RCSD1: variants seen among roughly 807,000 people sequenced by gnomAD.
RCSD1 encodes capZ-interacting protein.
Under a neutral mutation model 42.5 loss-of-function variants are expected in RCSD1, and 26 were observed. The ratio of observed to expected loss-of-function variants is 0.61; its 90% CI spans 0.45 to 0.85. The LOEUF is 0.85. RCSD1 is among the 40% of genes least tolerant of loss of function. The probability of loss-of-function intolerance (pLI) is 0.00; values close to 1 mark genes in which losing one functional copy is unlikely to be tolerated. For missense variants in RCSD1, 571 were observed against 528.3 expected (o/e 1.08, Z -0.79); for synonymous variants, 220 against 212.2 (o/e 1.04, Z -0.32).
At chr1:167,701,999 G>T (rs1301197675) in intron 6 of RCSD1, among the ~76,000 whole-genome samples, 1 of 152,196 alleles carries the variant, frequency 6.6e-6, no homozygotes, top group African/African-American at 2.4e-5. Flanking sequence ...TTCCCATCTT[G>T]TTCCTCTGTC....
chr1:167,687,480 G>A (rs1659264697), intron 3 of RCSD1, among the ~76,000 whole-genome samples: 1 of 148,376 alleles, frequency 6.7e-6, no homozygotes, highest in Non-Finnish European at 1.5e-5. Flanking sequence ...CCTAGATCGC[G>A]CCACCGCACT....
intron 1 of RCSD1, among the ~76,000 whole-genome samples, chr1:167,666,166 G>A (rs559177524): frequency 1.3e-5 from 2 of 152,152 alleles, no homozygotes; most frequent in Non-Finnish European, 2.9e-5. Context: ...TCCTGCTGGA[G>A]GCAGTGTGGA....
At chr1:167,700,297 A>G (rs138866138) in intron 6 of RCSD1, among the ~76,000 whole-genome samples, 29 of 152,300 alleles carry the variant, frequency 1.9e-4, no homozygotes, top group Non-Finnish European at 3.8e-4. Context: ...CTCATAAAGT[A>G]TGACTGAGAC....
intron 3 of RCSD1, 107 bp downstream of exon 3, chr1:167,685,617 C>A (rs899276166): frequency 1.2e-6 from 1 of 837,612 alleles, no homozygotes; most frequent in Non-Finnish European, 1.9e-6. Flanking sequence ...AAAGCTCAGA[C>A]TCTGTGCAGG....
At chr1:167,642,610 A>G (rs987211513) in intron 1 of RCSD1, among the ~76,000 whole-genome samples, 2 of 152,182 alleles carry the variant, frequency 1.3e-5, no homozygotes, top group Admixed American at 1.3e-4. Flanking sequence ...GGAACAGCCA[A>G]TTCCATGGAG....
intron 1 of RCSD1, among the ~76,000 whole-genome samples, chr1:167,637,645 G>A (rs1020817238): frequency 2.4e-4 from 36 of 152,060 alleles, no homozygotes; most frequent in African/African-American, 7.5e-4. Flanking sequence ...TCCAGGTCCC[G>A]AGGGAATGCC....
At chr1:167,660,381 G>A (rs776130155) in intron 1 of RCSD1, among the ~76,000 whole-genome samples, 1 of 151,878 alleles carries the variant, frequency 6.6e-6, no homozygotes, top group Non-Finnish European at 1.5e-5. Flanking sequence ...CATAGCCACA[G>A]CCACACTTAA....
chr1:167,664,844 AG>A (rs1424168802), intron 1 of RCSD1: 4 of 152,266 alleles, frequency 2.6e-5, no homozygotes, highest in Non-Finnish European at 5.9e-5. Context: ...GTTCAAGACC[AG>A]CCGGACCAAC....
At chr1:167,704,075 C>A (rs142065396) in intron 6 of RCSD1, among the ~76,000 whole-genome samples, 1,861 of 152,280 alleles carry the variant, frequency 0.012, 48 homozygotes, top group African/African-American at 0.043. Context: ...AGGCTGGAGT[C>A]CTGGTACAGC....
chr1:167,665,785 A>G (rs1571688758), intron 1 of RCSD1, among the ~76,000 whole-genome samples: 1 of 149,102 alleles, frequency 6.7e-6, no homozygotes. Flanking sequence ...CATTTTTACT[A>G]TTGTCTCATT....
At chr1:167,686,673 C>T (rs988193116) in intron 3 of RCSD1, among the ~76,000 whole-genome samples, 1 of 152,192 alleles carries the variant, frequency 6.6e-6, no homozygotes, top group African/African-American at 2.4e-5. Flanking sequence ...TCTTCAAGTG[C>T]CAACAATATG....
chr1:167,700,246 C>G (rs1272399086), intron 6 of RCSD1, among the ~76,000 whole-genome samples: 3 of 152,170 alleles, frequency 2.0e-5, no homozygotes, highest in African/African-American at 7.2e-5. Flanking sequence ...GTTATTCTCA[C>G]TCACGCTAGA....
intron 5 of RCSD1, among the ~76,000 whole-genome samples, chr1:167,695,005 A>G (rs1659462867): frequency 6.6e-6 from 1 of 152,184 alleles, no homozygotes; most frequent in Non-Finnish European, 1.5e-5. Context: ...AGAGAATGCT[A>G]AATGGGTGTG....
rs566404259 is a variant in RCSD1 at position 167,630,289 on chromosome 1, G to A, written c.-135G>A. On this transcript the variant is annotated 5_prime_UTR_variant, in exon 1 of 7. Transcript: ENST00000367854. ...CCCGCAGCCGAGCGCAGCCGGGCGCGCGCCACCGCCCACTCGCCCTGTGCC... is the reference window on the plus strand; with the variant it reads ...CCCGCAGCCGAGCGCAGCCGGGCGCACGCCACCGCCCACTCGCCCTGTGCC... 8.2e-6 allele frequency: 8 copies of A among 979,912 alleles called. No individual in the cohort carries two copies. Among genetic ancestry groups the A allele is most frequent in the Non-Finnish European group, 1.1e-5 (8 of 758,624 alleles). 60.7% of individuals were successfully genotyped at this position (979,912 alleles called of 1,614,324 possible). A position where few individuals can be genotyped will look rare whatever the true frequency, so the allele number is the denominator to read the frequency against.
chr1:167,646,429 A>G (rs1658147350), intron 1 of RCSD1, among the ~76,000 whole-genome samples: 1 of 133,158 alleles, frequency 7.5e-6, no homozygotes, highest in Admixed American at 8.1e-5. Flanking sequence ...ATAGCCGACC[A>G]TAAGCTAACA....
intron 1 of RCSD1, among the ~76,000 whole-genome samples, chr1:167,660,237 T>A (rs1343715638): frequency 1.3e-5 from 2 of 152,194 alleles, no homozygotes; most frequent in African/African-American, 2.4e-5. Flanking sequence ...ACAGAGGTTG[T>A]TACTTGCCCA....
intron 1 of RCSD1, among the ~76,000 whole-genome samples, chr1:167,671,767 T>C (rs1314059003): frequency 6.6e-6 from 1 of 152,198 alleles, no homozygotes; most frequent in Non-Finnish European, 1.5e-5. Context: ...CTTAGAACCC[T>C]CCAGTGACCT....
Position 167,697,666 on chromosome 1 carries a change from AC to A in RCSD1, c.1048del (p.His350ThrfsTer7). The A allele has an allele frequency of 6.2e-7, 1 of 1,603,990 alleles. No homozygotes were observed. The highest frequency in any genetic ancestry group is 8.5e-7 in the Non-Finnish European group (1 of 1,175,732). On this transcript the variant is annotated frameshift_variant, in exon 6 of 7. Transcript: ENST00000367854. LOFTEE classifies it high-confidence loss of function. The part of the protein sequence containing the change: ...KLEEGAAVKE[T>X]PHSPPGGVKG... ...GGAGGAGGGAGCTGCAGTGAAGGAG[AC>A]CCCCCACAGTCCCCCTGGAGGAGTG...
chr1:167,697,577 A>C lies in RCSD1; in HGVS notation c.953A>C (p.Lys318Thr). The stretch of plus-strand genomic sequence containing the variant: ...GAGATGGAAAAGGCTACAGAGGTGA[A>C]GGGGGAGAGGGTGCAAAATGAAGAG... ...EAEMEKATEVKGERVQNEEVG... is the reference protein window; with the variant it reads ...EAEMEKATEVTGERVQNEEVG... The change falls in exon 6 of 7, where the codon AAG (lysine) becomes ACG (threonine). Residue 318 changes from lysine (K) to threonine (T), a missense_variant. Coordinates refer to ENST00000367854, the MANE Select transcript of RCSD1 (RefSeq NM_052862.4). The C allele has an allele frequency of 6.2e-7, 1 of 1,607,720 alleles. No individual in the cohort carries two copies. The highest frequency in any genetic ancestry group is 8.5e-7 in the Non-Finnish European group (1 of 1,177,128).
Sources: allele counts gnomAD v4.1 joint callset (sites outside exome capture counted in the v4.1 genomes callset), GRCh38; gene constraint gnomAD v4.1.1; transcripts MANE v1.5; gene names NCBI Gene and HGNC (gene_info 2026-07-23, HGNC 2026-07-21).